MYO16: variants seen among roughly 807,000 people sequenced by gnomAD.
The protein encoded by MYO16 is unconventional myosin-XVI.
In MYO16, 94 loss-of-function variants were observed where a neutral mutation model predicts 205.3. That is an observed-to-expected ratio of 0.46 (90% confidence interval 0.39 to 0.54). The LOEUF is 0.54. Ranked by LOEUF, MYO16 falls within the 20% of genes least tolerant of loss-of-function variation. MYO16 has a pLI of 0.00. For synonymous variants in MYO16, 988 were observed against 954.0 expected (o/e 1.04, Z -0.66); for missense variants, 2,315 against 2,387.5 (o/e 0.97, Z 0.63).
At chr13:109,023,791 T>G (rs1886253655) in intron 23 of MYO16, among the ~76,000 whole-genome samples, 1 of 133,358 alleles carries the variant, frequency 7.5e-6, no homozygotes, top group South Asian at 2.4e-4. Context: ...TATATGCATA[T>G]TCTACATTTA....
At chr13:108,763,787 T>TG (rs1555345030) in intron 4 of MYO16, among the ~76,000 whole-genome samples, 5 of 142,634 alleles carry the variant, frequency 3.5e-5, no homozygotes, top group East Asian at 2.1e-4. Flanking sequence ...AGAAAAGGAG[T>TG]TGTGTGTGTG....
Position 108,891,558 on chromosome 13 carries a change from TAATG to T in MYO16, c.1659+3082_1659+3085del, listed in dbSNP as rs367791740. Among the ~76,000 whole-genome samples the T allele has an allele frequency of 5.9e-3, 894 of 152,298 alleles. 8 individuals are homozygous for T. Among genetic ancestry groups the T allele is most frequent in the African/African-American group, 0.02 (827 of 41,552 alleles). ...GCTATATCATTGCCTTGACAAAAAATAATGCATGTACACATCATAGGCCATGTTA... is the reference window on the plus strand; with the variant it reads ...GCTATATCATTGCCTTGACAAAAAATCATGTACACATCATAGGCCATGTTA... On this transcript the variant is annotated intron_variant, in intron 14 of 34. Transcript: ENST00000457511.
chr13:108,712,809 A>T, intron 3 of MYO16, 78 bp downstream of exon 3: 1 of 1,061,672 alleles, frequency 9.4e-7, no homozygotes, highest in Non-Finnish European at 1.4e-6. Flanking sequence ...CCCAGGAACG[A>T]AATGTACATC....
At chr13:108,912,104 A>T (rs989564084) in intron 16 of MYO16, among the ~76,000 whole-genome samples, 14 of 152,156 alleles carry the variant, frequency 9.2e-5, no homozygotes, top group African/African-American at 3.4e-4. Context: ...GATGGAGCCA[A>T]TGTGAGGCTG....
intron 34 of MYO16, among the ~76,000 whole-genome samples, chr13:109,184,333 T>C (rs1879584872): frequency 6.6e-6 from 1 of 152,110 alleles, no homozygotes; most frequent in Non-Finnish European, 1.5e-5. Context: ...GGTAGTAAAT[T>C]AAGTTGATGT....
chr13:108,697,628 T>C (rs141617741), intron 2 of MYO16, among the ~76,000 whole-genome samples: 78 of 152,368 alleles, frequency 5.1e-4, no homozygotes, highest in Non-Finnish European at 9.4e-4. Context: ...TTTTTAAGTA[T>C]CAATTTGTAT....
intron 11 of MYO16, 131 bp from the exon 12 acceptor site, chr13:108,866,046 T>C: frequency 1.9e-6 from 1 of 533,012 alleles, no homozygotes; most frequent in Non-Finnish European, 3.0e-6. Flanking sequence ...TATTAAAAAA[T>C]AGCAAAATAC....
chr13:108,690,545 A>G (rs966362391), intron 2 of MYO16, among the ~76,000 whole-genome samples: 7 of 151,966 alleles, frequency 4.6e-5, no homozygotes, highest in South Asian at 2.1e-4. Flanking sequence ...ATAGATGTCT[A>G]ACTGACTTCC....
At chr13:108,507,516 A>G in the MYO16 span, among the ~76,000 whole-genome samples, 1 of 152,100 alleles carries the variant, frequency 6.6e-6, no homozygotes, top group East Asian at 1.9e-4. Context: ...CCTTTGATGT[A>G]CCAAGTCACA....
At position 108,984,604 on chromosome 13, in the gene MYO16, T is replaced by C. The variant is rs1259679559; in HGVS notation, c.2370-7772T>C. ...ATTAGTCCTGCTGGGGTCCCAACTT[T>C]GTCTCTGTCATCCTGAATTGCTGGC... On this transcript the variant is annotated intron_variant, in intron 20 of 34. Transcript: ENST00000457511. Among the ~76,000 whole-genome samples the C allele has an allele frequency of 2.0e-5, 3 of 152,200 alleles. No individual in the cohort carries two copies. The East Asian group carries it at 5.8e-4, about 29-fold the overall frequency.
chr13:108,661,983 G>C (rs1881523110), intron 1 of MYO16, among the ~76,000 whole-genome samples: 1 of 152,166 alleles, frequency 6.6e-6, no homozygotes, highest in Non-Finnish European at 1.5e-5. Flanking sequence ...GTGTTCCTTT[G>C]ATGTAGTACT....
chr13:109,027,502 T>C (rs1886402415), intron 23 of MYO16, among the ~76,000 whole-genome samples: 1 of 152,146 alleles, frequency 6.6e-6, no homozygotes, highest in Admixed American at 6.6e-5. Flanking sequence ...ATGTGTTTAT[T>C]GTCTGTACTC....
chr13:108,659,828 C>A (rs1241404490), intron 1 of MYO16, among the ~76,000 whole-genome samples: 2 of 152,148 alleles, frequency 1.3e-5, no homozygotes, highest in African/African-American at 2.4e-5. Context: ...AGAAACAGCC[C>A]AAGTTCCTGC....
chr13:108,836,738 C>A (rs1302467254), intron 9 of MYO16, among the ~76,000 whole-genome samples: 1 of 152,108 alleles, frequency 6.6e-6, no homozygotes, highest in Non-Finnish European at 1.5e-5. Context: ...TAATGACTGC[C>A]CTGTTGTATT....
At chr13:108,537,023 G>T in the MYO16 span, among the ~76,000 whole-genome samples, 8 of 152,016 alleles carry the variant, frequency 5.3e-5, no homozygotes, top group Non-Finnish European at 1.0e-4. Context: ...TTCTTACATG[G>T]ATACATTGGA....
intron 12 of MYO16, among the ~76,000 whole-genome samples, chr13:108,866,682 A>G (rs2139126365): frequency 6.6e-6 from 1 of 152,344 alleles, no homozygotes; most frequent in Non-Finnish European, 1.5e-5. Context: ...TGTAATTATG[A>G]GGCCCTAAAA....
At chr13:108,834,945 AAG>A (rs1051941659) in intron 9 of MYO16, among the ~76,000 whole-genome samples, 2 of 147,338 alleles carry the variant, frequency 1.4e-5, no homozygotes, top group African/African-American at 5.4e-5. Context: ...TTGTTAAAGA[AAG>A]AGAGAAACCT....
chr13:109,099,953 A>G (rs1888904930), intron 27 of MYO16, among the ~76,000 whole-genome samples: 1 of 152,222 alleles, frequency 6.6e-6, no homozygotes, highest in South Asian at 2.1e-4. Flanking sequence ...CAGCTTTGGC[A>G]TTGCGTTTCC....
intron 23 of MYO16, among the ~76,000 whole-genome samples, chr13:109,036,971 C>T (rs935281585): frequency 7.2e-5 from 11 of 152,290 alleles, no homozygotes; most frequent in African/African-American, 2.2e-4. Flanking sequence ...GGAGAGCCTT[C>T]GACCTAAAAT....
Sources: gnomAD v4.1 joint callset for allele counts (sites outside exome capture counted in the v4.1 genomes callset) on GRCh38, gnomAD v4.1.1 for gene constraint, MANE v1.5 for transcripts, NCBI Gene and HGNC (gene_info 2026-07-23, HGNC 2026-07-21) for gene names.